Variants in CNTN4 observed in about 807,000 individuals in gnomAD.
CNTN4 encodes contactin 4, also known as contactin-4.
In CNTN4, 77 loss-of-function variants were observed where a neutral mutation model predicts 122.5. That is an observed-to-expected ratio of 0.63 (90% CI 0.52 to 0.76). The LOEUF is 0.76. Among genes scored for constraint, CNTN4 ranks in the 30% least tolerant of loss-of-function variants. The pLI is 0.00. For missense variants in CNTN4, 1,256 were observed against 1,259.1 expected (o/e 1.00, Z 0.04); for synonymous variants, 512 against 447.0 (o/e 1.15, Z -1.83).
chr3:2,325,662 A>G (rs2043428623), intron 2 of CNTN4, among the ~76,000 whole-genome samples: 1 of 152,180 alleles, frequency 6.6e-6, no homozygotes, highest in African/African-American at 2.4e-5. Flanking sequence ...TTGCTGTACA[A>G]CAAGGAACTT....
At chr3:2,439,275 A>G (rs999988241) in intron 3 of CNTN4, among the ~76,000 whole-genome samples, 5 of 152,234 alleles carry the variant, frequency 3.3e-5, no homozygotes, top group Admixed American at 2.0e-4. Flanking sequence ...CCCCAGACCT[A>G]CTGAACTAGA....
At chr3:2,318,348 A>C (rs1004960833) in intron 2 of CNTN4, among the ~76,000 whole-genome samples, 15 of 152,182 alleles carry the variant, frequency 9.9e-5, no homozygotes, top group African/African-American at 3.6e-4. Flanking sequence ...TTCTTACCAG[A>C]AAGTAAGCTT....
Position 2,760,825 on chromosome 3 carries a change from G to A in CNTN4, c.358+15128G>A, listed in dbSNP as rs555095583. On this transcript the variant is annotated intron_variant, in intron 6 of 24. Coordinates refer to ENST00000418658, the MANE Select transcript of CNTN4 (RefSeq NM_175607.3). ...AATCCACTGTTTCCCCAAATTTGAG[G>A]TAGAACTCATTTGTCCTTACTCCTT... 8.5e-5 allele frequency among the ~76,000 whole-genome samples: 13 copies of A among 152,266 alleles called. No individual in the cohort carries two copies. The South Asian group carries it at 2.5e-3, about 29-fold the overall frequency.
chr3:2,665,541 A>G lies in CNTN4; in HGVS notation c.56-70674A>G, dbSNP rs1018760627. ...AGATTGACATCTCTGCAGCAAGTTG[A>G]GCCTCTTTGTGAACTGGTCATTTTT... is the stretch of plus-strand genomic sequence containing the variant. On this transcript the variant is annotated intron_variant, in intron 4 of 24. Coordinates refer to ENST00000418658, the MANE Select transcript of CNTN4 (RefSeq NM_175607.3). 3.3e-5 allele frequency among the ~76,000 whole-genome samples: 5 copies of G among 152,168 alleles called. 1 individual carries two copies. The highest frequency in any genetic ancestry group is 1.3e-4 in the Admixed American group (2 of 15,258).
intron 3 of CNTN4, among the ~76,000 whole-genome samples, chr3:2,497,763 A>T (rs1183800594): frequency 6.6e-6 from 1 of 152,198 alleles, no homozygotes. Flanking sequence ...CTTATAGAGC[A>T]CTTAACAGAA....
In CNTN4 at chr3:2,700,510, A is replaced by G. The variant is rs116773680; in HGVS notation, c.56-35705A>G. On this transcript the variant is annotated intron_variant, in intron 4 of 24. Coordinates refer to ENST00000418658, the MANE Select transcript of CNTN4 (RefSeq NM_175607.3). ...TAGAGGCTCTTTGACCTCTTCCTGG[A>G]TTTATTCTGTTTCTCTTTTTACATT... Among the ~76,000 whole-genome samples the G allele has an allele frequency of 5.1e-3, 771 of 152,232 alleles. 10 individuals are homozygous for G. Among genetic ancestry groups the G allele is most frequent in the African/African-American group, 0.018 (739 of 41,538 alleles).
intron 23 of CNTN4, among the ~76,000 whole-genome samples, chr3:3,047,412 A>G (rs187308386): frequency 2.0e-5 from 3 of 152,340 alleles, no homozygotes; most frequent in African/African-American, 7.2e-5. Flanking sequence ...AAGAATAGAA[A>G]TTACAACAAA....
intron 7 of CNTN4, among the ~76,000 whole-genome samples, chr3:2,820,016 A>C (rs917121665): frequency 1.4e-4 from 21 of 152,188 alleles, no homozygotes; most frequent in African/African-American, 4.3e-4. Flanking sequence ...CTAACAACCA[A>C]GTCTCCAATC....
intron 4 of CNTN4, among the ~76,000 whole-genome samples, chr3:2,636,458 A>C (rs752849869): frequency 1.3e-5 from 2 of 152,218 alleles, no homozygotes; most frequent in Admixed American, 6.5e-5. Context: ...GGGGAAAAAA[A>C]CCCAGGAATT....
chr3:2,484,387 C>T (rs1342294290), intron 3 of CNTN4, among the ~76,000 whole-genome samples: 2 of 152,114 alleles, frequency 1.3e-5, no homozygotes, highest in East Asian at 1.9e-4. Flanking sequence ...TTAATTGCAT[C>T]GGCATGAAGA....
intron 2 of CNTN4, among the ~76,000 whole-genome samples, chr3:2,296,437 C>G (rs1425711791): frequency 1.3e-5 from 2 of 151,930 alleles, no homozygotes; most frequent in Non-Finnish European, 2.9e-5. Context: ...CTCTTTGAAG[C>G]AATTTAATTA....
intron 2 of CNTN4, among the ~76,000 whole-genome samples, chr3:2,293,593 A>G (rs2042206825): frequency 6.6e-6 from 1 of 152,208 alleles, no homozygotes; most frequent in African/African-American, 2.4e-5. Context: ...AAATGAGTCA[A>G]TAGGTTTCTT....
chr3:2,462,362 C>A (rs1239391004), intron 3 of CNTN4, among the ~76,000 whole-genome samples: 1 of 152,078 alleles, frequency 6.6e-6, no homozygotes, highest in Non-Finnish European at 1.5e-5. Context: ...TTAATTATTA[C>A]AATGGAAGCA....
intron 4 of CNTN4, among the ~76,000 whole-genome samples, chr3:2,626,014 C>T (rs1182072699): frequency 6.6e-6 from 1 of 152,144 alleles, no homozygotes; most frequent in Non-Finnish European, 1.5e-5. Flanking sequence ...AATGATATCT[C>T]AATATTTTAA....
At chr3:2,531,992 A>G (rs1318202764) in intron 3 of CNTN4, among the ~76,000 whole-genome samples, 1 of 152,172 alleles carries the variant, frequency 6.6e-6, no homozygotes, top group African/African-American at 2.4e-5. Context: ...AAAGAATGAG[A>G]AACTGTTGTG....
rs59440797 is a variant in CNTN4 at position 2,660,155 on chromosome 3, C to G, written c.56-76060C>G. On this transcript the variant is annotated intron_variant, in intron 4 of 24. Transcript: ENST00000418658. ...AGTTCATTTGAAAGCATCCAACATC[C>G]TGAAAACTGTAAAGCCACAGCACGC... Among the ~76,000 whole-genome samples, 1,002 of 152,126 alleles carry G rather than the reference C, an allele frequency of 6.6e-3. 10 individuals are homozygous for G. The highest frequency in any genetic ancestry group is 0.023 in the African/African-American group (947 of 41,470).
intron 13 of CNTN4, chr3:2,927,520 G>A (rs931406192): frequency 1.1e-5 from 3 of 284,910 alleles, no homozygotes; most frequent in South Asian, 7.1e-5. Context: ...CTTGCTATGT[G>A]CCTGGAAGAA....
chr3:2,153,049 A>G (rs529610311), intron 2 of CNTN4, among the ~76,000 whole-genome samples: 6 of 152,294 alleles, frequency 3.9e-5, no homozygotes, highest in African/African-American at 9.6e-5. Flanking sequence ...TTGTAAGCCA[A>G]TGAGTTTGGA....
At chr3:3,038,794 A>C in intron 18 of CNTN4, 139 bp from the exon 19 acceptor site, 1 of 671,714 alleles carries the variant, frequency 1.5e-6, no homozygotes, top group East Asian at 2.7e-5. Flanking sequence ...CCCCTTGACA[A>C]TGCTGTTGCT....
Sources: allele counts gnomAD v4.1 joint callset (sites outside exome capture counted in the v4.1 genomes callset), GRCh38; gene constraint gnomAD v4.1.1; transcripts MANE v1.5; gene names NCBI Gene and HGNC (gene_info 2026-07-23, HGNC 2026-07-21).